The following FOXP1 variants were observed in gnomAD, a reference collection of about 807,000 sequenced individuals.
FOXP1 encodes the protein forkhead box P1, also known as forkhead box protein P1.
FOXP1 carries 15 observed loss-of-function variants against 98.2 expected under a neutral mutation model. The observed-to-expected ratio is 0.15, with a 90% confidence interval of 0.10 to 0.24. FOXP1 has a LOEUF of 0.24. FOXP1 is among the 10% of genes least tolerant of loss of function. The probability of loss-of-function intolerance (pLI) is 1.00; values close to 1 mark genes in which losing one functional copy is unlikely to be tolerated. For synonymous variants in FOXP1, 371 were observed against 314.5 expected (o/e 1.18, Z -1.90); for missense variants, 633 against 848.5 (o/e 0.75, Z 3.15).
At chr3:71,366,174 C>T (rs2078918548) in intron 3 of FOXP1, among the ~76,000 whole-genome samples, 2 of 152,010 alleles carry the variant, frequency 1.3e-5, no homozygotes, top group Admixed American at 6.6e-5. Flanking sequence ...AGCTCAGAGA[C>T]ATACATACAG....
At chr3:71,364,286 G>A (rs1361400440) in intron 3 of FOXP1, among the ~76,000 whole-genome samples, 2 of 152,160 alleles carry the variant, frequency 1.3e-5, no homozygotes, top group African/African-American at 4.8e-5. Context: ...ATATTTCATA[G>A]TTACCATTAT....
At chr3:71,251,369 ATTCAGGTGAAGCTTT>A (rs1284540190) in intron 5 of FOXP1, among the ~76,000 whole-genome samples, 1 of 152,216 alleles carries the variant, frequency 6.6e-6, no homozygotes, top group Admixed American at 6.5e-5. Context: ...AATGCACACA[ATTCAGGTGAAGCTTT>A]CCACTGTAAC....
intron 3 of FOXP1, among the ~76,000 whole-genome samples, chr3:71,376,619 G>A (rs1437224733): frequency 6.6e-6 from 1 of 152,206 alleles, no homozygotes; most frequent in Non-Finnish European, 1.5e-5. Context: ...ATTAAGCCTA[G>A]AATTTGCTTT....
intron 3 of FOXP1, among the ~76,000 whole-genome samples, chr3:71,382,557 G>C (rs981789177): frequency 6.6e-6 from 1 of 152,152 alleles, no homozygotes; most frequent in African/African-American, 2.4e-5. Flanking sequence ...AAAATCCTAA[G>C]AAAATATTCC....
chr3:71,506,673 G>A (rs1183690748), intron 2 of FOXP1, among the ~76,000 whole-genome samples: 1 of 152,056 alleles, frequency 6.6e-6, no homozygotes, highest in African/African-American at 2.4e-5. Flanking sequence ...GGGGGAAGCT[G>A]GTCCTTCCCC....
chr3:71,481,380 T>C (rs1031372487), intron 3 of FOXP1, among the ~76,000 whole-genome samples: 20 of 152,338 alleles, frequency 1.3e-4, no homozygotes, highest in African/African-American at 4.6e-4. Context: ...CTGGCCAACA[T>C]CCTGTATGCT....
chr3:71,523,543 A>G (rs1348577132), intron 2 of FOXP1, among the ~76,000 whole-genome samples: 1 of 152,256 alleles, frequency 6.6e-6, no homozygotes, highest in Non-Finnish European at 1.5e-5. Flanking sequence ...TCAAAACAGT[A>G]GCAAGAGCCA....
At chr3:71,351,479 C>T (rs1395169075) in intron 4 of FOXP1, among the ~76,000 whole-genome samples, 2 of 152,188 alleles carry the variant, frequency 1.3e-5, no homozygotes, top group South Asian at 4.1e-4. Flanking sequence ...GGCATTTATA[C>T]ATTTCTTCAA....
intron 2 of FOXP1, among the ~76,000 whole-genome samples, chr3:71,556,576 CAAAAAAAAAAAAA>C (rs757217111): frequency 3.4e-5 from 1 of 29,812 alleles, no homozygotes; most frequent in East Asian, 1.3e-3. Context: ...GACTCCGTCT[CAAAAAAAAAAAAA>C]AAAAAAAAAA....
At chr3:71,216,526 C>T (rs1051597468) in intron 5 of FOXP1, among the ~76,000 whole-genome samples, 31 of 152,048 alleles carry the variant, frequency 2.0e-4, no homozygotes, top group African/African-American at 6.3e-4. Context: ...GTATAGTAGC[C>T]GCATGATACT....
intron 3 of FOXP1, among the ~76,000 whole-genome samples, chr3:71,374,235 G>T (rs1433255415): frequency 6.6e-6 from 1 of 152,138 alleles, no homozygotes; most frequent in Non-Finnish European, 1.5e-5. Context: ...AAGTATTTCT[G>T]TACATCTACT....
intron 3 of FOXP1, among the ~76,000 whole-genome samples, chr3:71,459,618 G>C (rs2087828354): frequency 1.3e-5 from 2 of 152,136 alleles, no homozygotes; most frequent in Non-Finnish European, 2.9e-5. Flanking sequence ...TGGGGTTGTT[G>C]TTTTTTAAAA....
intron 2 of FOXP1, among the ~76,000 whole-genome samples, chr3:71,527,335 AAGAC>A (rs2043470948): frequency 1.3e-5 from 2 of 152,182 alleles, no homozygotes; most frequent in Admixed American, 1.3e-4. Context: ...GTTCAAAATC[AAGAC>A]AGACAGAGCC....
chr3:70,979,316 A>AAAAAAAAAAAAAAAAAAAAAAAAAAT (rs1553670621), intron 14 of FOXP1, among the ~76,000 whole-genome samples: 1 of 96,514 alleles, frequency 1.0e-5, no homozygotes, highest in African/African-American at 4.3e-5. Context: ...AAAAAAAAAA[A>AAAAAAAAAAAAAAAAAAAAAAAAAAT]AAAAGAAAAA....
chr3:71,128,644 G>A (rs762556693), intron 6 of FOXP1, among the ~76,000 whole-genome samples: 3 of 152,046 alleles, frequency 2.0e-5, no homozygotes, highest in Non-Finnish European at 4.4e-5. Context: ...TCGACAAAAC[G>A]GTAAGAGTCA....
Position 70,977,627 on chromosome 3 carries a change from T to C in FOXP1, c.1428+16A>G, listed in dbSNP as rs905973307. 7 of 1,582,700 alleles carry C rather than the reference T, an allele frequency of 4.4e-6. No individual in the cohort carries two copies. Among genetic ancestry groups the C allele is most frequent in the African/African-American group, 1.3e-5 (1 of 74,300 alleles). On this transcript the variant is annotated intron_variant, in intron 16 of 20. Transcript: ENST00000649528. ...TACCTTCTGACAGAATTTCATATAC[T>C]GTGTTATTTACTTACCTGCCTAATT...
chr3:71,309,706 C>T lies in FOXP1; in HGVS notation c.-72-9826G>A, dbSNP rs538588309. Among the ~76,000 whole-genome samples, 4 of 152,132 alleles carry T rather than the reference C, an allele frequency of 2.6e-5. No homozygotes were observed. In the South Asian group the frequency reaches 8.3e-4, roughly 32 times the overall value. On this transcript the variant is annotated intron_variant, in intron 4 of 20. Coordinates refer to ENST00000649528, the MANE Select transcript of FOXP1 (RefSeq NM_001349338.3). Reference sequence around the variant, plus strand: ...GAATGCAAAAGTTGATTTTGACACACAAACTAGCATCTTTTGAATTTTCCC... The same window carrying T: ...GAATGCAAAAGTTGATTTTGACACATAAACTAGCATCTTTTGAATTTTCCC...
chr3:71,554,389 T>C (rs552754953), intron 2 of FOXP1, among the ~76,000 whole-genome samples: 2 of 152,300 alleles, frequency 1.3e-5, no homozygotes, highest in South Asian at 4.1e-4. Context: ...AATTCAAATG[T>C]GTTTAATCAC....
intron 11 of FOXP1, among the ~76,000 whole-genome samples, chr3:71,036,302 G>C (rs189627286): frequency 9.8e-4 from 149 of 152,284 alleles, no homozygotes; most frequent in Non-Finnish European, 3.4e-4. Flanking sequence ...AGAGAGCATA[G>C]GTTAAACCTC....
Sources: allele counts gnomAD v4.1 joint callset (sites outside exome capture counted in the v4.1 genomes callset), GRCh38; gene constraint gnomAD v4.1.1; transcripts MANE v1.5; gene names NCBI Gene and HGNC (gene_info 2026-07-23, HGNC 2026-07-21).